The following CEP112 variants were observed in gnomAD, a reference collection of about 807,000 sequenced individuals.
CEP112 encodes the protein centrosomal protein 112.
Under a neutral mutation model 153.0 loss-of-function variants are expected in CEP112, and 127 were observed. The ratio of observed to expected loss-of-function variants is 0.83; its 90% CI spans 0.72 to 0.96. The LOEUF is 0.96. Among genes scored for constraint, CEP112 ranks in the 40% least tolerant of loss-of-function variants. CEP112 has a pLI of 0.00. For missense variants in CEP112, 1,089 were observed against 1,101.2 expected, an observed-to-expected ratio of 0.99 and a Z score of 0.16; for synonymous variants, 358 against 374.4, an observed-to-expected ratio of 0.96 and a Z score of 0.51.
intron 24 of CEP112, among the ~76,000 whole-genome samples, chr17:65,664,454 G>A (rs978242419): frequency 2.0e-5 from 3 of 152,120 alleles, no homozygotes; most frequent in African/African-American, 7.2e-5. Context: ...TCTGAGCAGG[G>A]GAATAACATG....
chr17:65,796,868 A>C (rs961704144), intron 21 of CEP112, among the ~76,000 whole-genome samples: 2 of 139,612 alleles, frequency 1.4e-5, no homozygotes, highest in Admixed American at 1.4e-4. Flanking sequence ...CCCCATCTCT[A>C]CAAAAAAAAA....
chr17:65,925,495 T>C (rs142627305), intron 19 of CEP112, among the ~76,000 whole-genome samples: 103 of 152,354 alleles, frequency 6.8e-4, no homozygotes, highest in African/African-American at 2.3e-3. Flanking sequence ...GATGAATATT[T>C]TGTCTGCTAA....
At chr17:66,112,372 C>T (rs1160639977) in intron 6 of CEP112, among the ~76,000 whole-genome samples, 1 of 151,750 alleles carries the variant, frequency 6.6e-6, no homozygotes, top group Non-Finnish European at 1.5e-5. Flanking sequence ...ACTTGGGGCA[C>T]ATTTCACTGA....
At chr17:65,808,650 T>TTC (rs371937304) in intron 21 of CEP112, among the ~76,000 whole-genome samples, 1 of 151,206 alleles carries the variant, frequency 6.6e-6, no homozygotes, top group Non-Finnish European at 1.5e-5. Context: ...CACTTCCCCC[T>TTC]TCTCTCTCTC....
chr17:65,878,897 A>G (rs1598860887), intron 20 of CEP112, among the ~76,000 whole-genome samples: 1 of 152,184 alleles, frequency 6.6e-6, no homozygotes, highest in South Asian at 2.1e-4. Context: ...GGCTTCTACA[A>G]CCCCAGAATA....
intron 16 of CEP112, among the ~76,000 whole-genome samples, chr17:66,008,560 T>C (rs2064373261): frequency 6.6e-6 from 1 of 152,132 alleles, no homozygotes; most frequent in Admixed American, 6.6e-5. Context: ...TTGCCCAGTC[T>C]GGTATAAAAT....
rs2144379495 is a variant in CEP112 at position 65,689,221 on chromosome 17, G to A, written c.2608-3C>T. On this transcript the variant is annotated splice_polypyrimidine_tract_variant and splice_region_variant and intron_variant, in intron 23 of 26. Coordinates refer to ENST00000535342, the MANE Select transcript of CEP112 (RefSeq NM_001199165.4). ...TTTTCTAATTCATCTTGTAAAACCT[G>A]AAACGGTATAAAATAAAGATATCAT... 2 of 1,599,726 alleles carry A rather than the reference G, an allele frequency of 1.3e-6. No individual in the cohort carries two copies. The highest frequency in any genetic ancestry group is 8.6e-7 in the Non-Finnish European group (1 of 1,167,074).
intron 19 of CEP112, 60 bp downstream of exon 19, chr17:65,927,522 A>G: frequency 1.1e-6 from 1 of 918,896 alleles, no homozygotes; most frequent in South Asian, 1.5e-5. Flanking sequence ...GTGATTTTTA[A>G]AAGATAAATC....
intron 10 of CEP112, among the ~76,000 whole-genome samples, chr17:66,065,274 C>G (rs1036269286): frequency 6.6e-6 from 1 of 152,164 alleles, no homozygotes; most frequent in Non-Finnish European, 1.5e-5. Context: ...ATTATTTATT[C>G]TGATCTCACC....
At chr17:66,113,331 G>A (rs1328054675) in intron 6 of CEP112, among the ~76,000 whole-genome samples, 6 of 127,258 alleles carry the variant, frequency 4.7e-5, no homozygotes, top group Non-Finnish European at 9.9e-5. Context: ...TAGGAAGTAA[G>A]TTCTTCAAAG....
chr17:66,047,308 G>T (rs2066253515), intron 12 of CEP112, among the ~76,000 whole-genome samples: 1 of 152,010 alleles, frequency 6.6e-6, no homozygotes, highest in Non-Finnish European at 1.5e-5. Flanking sequence ...GTAGAGACAG[G>T]GTTTCACCAT....
intron 24 of CEP112, among the ~76,000 whole-genome samples, chr17:65,648,990 G>A (rs1242185239): frequency 2.0e-5 from 3 of 152,092 alleles, no homozygotes; most frequent in Non-Finnish European, 4.4e-5. Flanking sequence ...CGTGGAGGTT[G>A]CAGTGAGCCA....
At chr17:66,161,067 C>A (rs1237455886) in intron 4 of CEP112, among the ~76,000 whole-genome samples, 1 of 150,796 alleles carries the variant, frequency 6.6e-6, no homozygotes, top group East Asian at 1.9e-4. Flanking sequence ...ATGCCACCAA[C>A]AAACATACGA....
At chr17:66,179,115 T>G (rs568168831) in intron 2 of CEP112, among the ~76,000 whole-genome samples, 1 of 152,324 alleles carries the variant, frequency 6.6e-6, no homozygotes, top group South Asian at 2.1e-4. Context: ...TAATTTGAAG[T>G]CAGGTAATGT....
intron 17 of CEP112, among the ~76,000 whole-genome samples, chr17:65,964,607 G>A (rs557222317): frequency 2.6e-5 from 4 of 152,328 alleles, no homozygotes; most frequent in African/African-American, 9.6e-5. Context: ...GCTCTCTGGT[G>A]TGGTGGTCCC....
intron 26 of CEP112, among the ~76,000 whole-genome samples, chr17:65,636,448 A>G (rs2044772851): frequency 6.6e-6 from 1 of 152,134 alleles, no homozygotes; most frequent in South Asian, 2.1e-4. Context: ...GATGTGAGCT[A>G]TCCTAGCAAG....
intron 20 of CEP112, among the ~76,000 whole-genome samples, chr17:65,895,245 T>A (rs1467988994): frequency 6.6e-6 from 1 of 152,052 alleles, no homozygotes; most frequent in Admixed American, 6.6e-5. Context: ...GGAAATGTCA[T>A]CCTCATAAGG....
intron 22 of CEP112, among the ~76,000 whole-genome samples, chr17:65,747,740 G>A (rs2051561466): frequency 6.6e-6 from 1 of 152,136 alleles, no homozygotes; most frequent in East Asian, 1.9e-4. Context: ...GCGAGGGTGA[G>A]TGCTGCAGAT....
At chr17:65,943,749 G>A (rs1400295478) in intron 18 of CEP112, among the ~76,000 whole-genome samples, 1 of 152,154 alleles carries the variant, frequency 6.6e-6, no homozygotes, top group Non-Finnish European at 1.5e-5. Flanking sequence ...GAATTTGAAT[G>A]TTGGCCTATC....
Sources: allele counts gnomAD v4.1 joint callset (sites outside exome capture counted in the v4.1 genomes callset), GRCh38; gene constraint gnomAD v4.1.1; transcripts MANE v1.5; gene names NCBI Gene and HGNC (gene_info 2026-07-23, HGNC 2026-07-21).